Variants in ADGRB3 observed in about 807,000 individuals in gnomAD.
The protein encoded by ADGRB3 is adhesion G protein-coupled receptor B3.
ADGRB3 carries 37 observed loss-of-function variants against 193.4 expected under a neutral mutation model. That is an observed-to-expected ratio of 0.19 (90% CI 0.15 to 0.25). The LOEUF is 0.25. Among genes scored for constraint, ADGRB3 ranks in the 10% least tolerant of loss-of-function variants. The pLI, the probability that ADGRB3 is intolerant of heterozygous loss-of-function variation, is 1.00. For synonymous variants in ADGRB3, 690 were observed against 644.2 expected (o/e 1.07, Z -1.08); for missense variants, 1,637 against 1,852.9 (o/e 0.88, Z 2.14).
chr6:69,232,988 TGCC>T, intron 17 of ADGRB3: 1 of 436,016 alleles, frequency 2.3e-6, no homozygotes, highest in Non-Finnish European at 4.1e-6. Context: ...CTGCTCGTGC[TGCC>T]GCCGCTGCCG....
chr6:69,082,185 A>T (rs987304351), intron 17 of ADGRB3, among the ~76,000 whole-genome samples: 13 of 152,074 alleles, frequency 8.5e-5, no homozygotes, highest in African/African-American at 3.1e-4. Flanking sequence ...TTTTATAGAA[A>T]AAAAAATTGC....
Position 68,755,584 on chromosome 6 carries a change from A to G in ADGRB3, c.757+116152A>G, listed in dbSNP as rs116511363. Among the ~76,000 whole-genome samples, 789 of 152,320 alleles carry G rather than the reference A, an allele frequency of 5.2e-3. 4 individuals are homozygous for G. The highest frequency in any genetic ancestry group is 0.018 in the African/African-American group (747 of 41,572). ...AAGGTCAGTTGAGAATAGTCACTCTATGGAAGGTGAACAATAAAAATGAAT... is the reference window on the plus strand; with the variant it reads ...AAGGTCAGTTGAGAATAGTCACTCTGTGGAAGGTGAACAATAAAAATGAAT... On this transcript the variant is annotated intron_variant, in intron 3 of 31. Coordinates refer to ENST00000370598, the MANE Select transcript of ADGRB3 (RefSeq NM_001704.3).
chr6:68,834,743 A>G (rs1219459491), intron 3 of ADGRB3, among the ~76,000 whole-genome samples: 2 of 151,932 alleles, frequency 1.3e-5, no homozygotes, highest in Non-Finnish European at 2.9e-5. Flanking sequence ...TATATTATGG[A>G]TGGCCACTGA....
At chr6:69,309,529 T>C (rs1561983598) in intron 20 of ADGRB3, among the ~76,000 whole-genome samples, 1 of 151,720 alleles carries the variant, frequency 6.6e-6, no homozygotes, top group Non-Finnish European at 1.5e-5. Flanking sequence ...CTTTGAAATA[T>C]ACACTTAGTA....
chr6:68,661,473 A>ATATG (rs1768644031), intron 3 of ADGRB3, among the ~76,000 whole-genome samples: 1 of 118,272 alleles, frequency 8.5e-6, no homozygotes, highest in African/African-American at 3.1e-5. Context: ...GTGTATATAT[A>ATATG]TGTGTATACA....
chr6:68,865,049 C>G (rs985038111), intron 3 of ADGRB3, among the ~76,000 whole-genome samples: 1 of 152,120 alleles, frequency 6.6e-6, no homozygotes, highest in African/African-American at 2.4e-5. Context: ...AAGGCTAACT[C>G]TTGGTCTGCA....
intron 3 of ADGRB3, among the ~76,000 whole-genome samples, chr6:68,839,793 G>A (rs1017069186): frequency 1.3e-5 from 2 of 152,140 alleles, no homozygotes; most frequent in Admixed American, 1.3e-4. Context: ...TACTGAAAAA[G>A]GCACTGAAGA....
At chr6:68,826,951 C>T (rs1173615376) in intron 3 of ADGRB3, among the ~76,000 whole-genome samples, 1 of 152,080 alleles carries the variant, frequency 6.6e-6, no homozygotes. Flanking sequence ...ATTAAACATC[C>T]TAGTGTAGGT....
chr6:69,306,232 A>G (rs946730213), intron 20 of ADGRB3, among the ~76,000 whole-genome samples: 3 of 151,412 alleles, frequency 2.0e-5, no homozygotes, highest in Admixed American at 6.6e-5. Context: ...TCAACAAATA[A>G]CGCATCACCA....
In ADGRB3 at chr6:69,276,141, A is replaced by G. The variant is rs1767299104; in HGVS notation, c.2814+36915A>G. Among the ~76,000 whole-genome samples, 4 of 152,220 alleles carry G rather than the reference A, an allele frequency of 2.6e-5. No homozygotes were observed. The South Asian group carries it at 8.3e-4, about 31-fold the overall frequency. On this transcript the variant is annotated intron_variant, in intron 20 of 31. Coordinates refer to ENST00000370598, the MANE Select transcript of ADGRB3 (RefSeq NM_001704.3). ...AAAGAATAATAATGAATTACTTTGG[A>G]TTGCAAAGAGGATTCTCCTGGAATT...
chr6:69,057,499 A>G (rs1285744274), intron 15 of ADGRB3, among the ~76,000 whole-genome samples: 5 of 143,536 alleles, frequency 3.5e-5, no homozygotes, highest in African/African-American at 1.2e-4. Context: ...TAGGGGAAAA[A>G]CTTTCAGGGT....
intron 3 of ADGRB3, among the ~76,000 whole-genome samples, chr6:68,781,252 A>G (rs1766846998): frequency 6.6e-6 from 1 of 152,134 alleles, no homozygotes; most frequent in African/African-American, 2.4e-5. Flanking sequence ...GCTATGCCAA[A>G]CGCAGTTTTC....
intron 23 of ADGRB3, among the ~76,000 whole-genome samples, chr6:69,331,162 C>CG (rs1768719936): frequency 6.6e-6 from 1 of 151,988 alleles, no homozygotes; most frequent in South Asian, 2.1e-4. Context: ...CCAATGGTCC[C>CG]GGGGGGTCAA....
At chr6:69,019,977 G>T (rs1770215964) in intron 13 of ADGRB3, among the ~76,000 whole-genome samples, 1 of 151,982 alleles carries the variant, frequency 6.6e-6, no homozygotes, top group Admixed American at 6.6e-5. Context: ...AGCAATCACA[G>T]CTATGAGTTT....
intron 6 of ADGRB3, among the ~76,000 whole-genome samples, chr6:68,955,768 G>A (rs549755548): frequency 1.3e-5 from 2 of 151,366 alleles, no homozygotes; most frequent in South Asian, 4.2e-4. Flanking sequence ...CTCCAGCCTG[G>A]ACAACAGAGC....
intron 3 of ADGRB3, among the ~76,000 whole-genome samples, chr6:68,670,460 G>A (rs1768924108): frequency 6.6e-6 from 1 of 151,854 alleles, no homozygotes; most frequent in South Asian, 2.1e-4. Context: ...TGAGAGACAG[G>A]GATCTAGTGT....
At chr6:68,674,640 G>A (rs1263946622) in intron 3 of ADGRB3, among the ~76,000 whole-genome samples, 1 of 152,122 alleles carries the variant, frequency 6.6e-6, no homozygotes, top group East Asian at 1.9e-4. Flanking sequence ...TGACCTATGA[G>A]CTATACCTTG....
Position 69,211,289 on chromosome 6 carries a change from C to T in ADGRB3, c.2481-22001C>T, listed in dbSNP as rs144521606. Among the ~76,000 whole-genome samples the T allele has an allele frequency of 1.4e-4, 22 of 152,084 alleles. 1 individual carries two copies. The highest frequency in any genetic ancestry group is 8.3e-4 in the South Asian group (4 of 4,810). On this transcript the variant is annotated intron_variant, in intron 17 of 31. Coordinates refer to ENST00000370598, the MANE Select transcript of ADGRB3 (RefSeq NM_001704.3). Reference sequence around the variant, plus strand: ...CTTGGGGCCTGAATTGGAGGTCATGCGTGATAGAGCCAATAAAAGAAAGGG... The same window carrying T: ...CTTGGGGCCTGAATTGGAGGTCATGTGTGATAGAGCCAATAAAAGAAAGGG...
At chr6:69,221,370 T>C (rs1184292389) in intron 17 of ADGRB3, among the ~76,000 whole-genome samples, 2 of 152,164 alleles carry the variant, frequency 1.3e-5, no homozygotes, top group Admixed American at 1.3e-4. Context: ...TGTGCTATTA[T>C]TGAGGAAGTA....
Sources: gnomAD v4.1 joint callset for allele counts (sites outside exome capture counted in the v4.1 genomes callset) on GRCh38, gnomAD v4.1.1 for gene constraint, MANE v1.5 for transcripts, NCBI Gene and HGNC (gene_info 2026-07-23, HGNC 2026-07-21) for gene names.